EFHC2: variants seen among roughly 807,000 people sequenced by gnomAD.
EFHC2 encodes EF-hand domain containing 2, also known as EF-hand domain-containing family member C2.
In EFHC2, 18 loss-of-function variants were observed where a neutral mutation model predicts 52.7. The ratio of observed to expected loss-of-function variants is 0.34; its 90% CI spans 0.24 to 0.51. The LOEUF (loss-of-function observed/expected upper bound fraction) is 0.51. Ranked by LOEUF, EFHC2 falls within the 20% of genes least tolerant of loss-of-function variation. EFHC2 has a pLI of 0.97. For missense variants in EFHC2, 513 were observed against 562.5 expected (o/e 0.91, Z 0.89); for synonymous variants, 203 against 204.1 (o/e 0.99, Z 0.04).
intron 7 of EFHC2, among the ~76,000 whole-genome samples, chrX:44,244,647 G>C (rs1300605592): frequency 1.8e-5 from 2 of 111,660 alleles, no homozygotes; most frequent in African/African-American, 6.5e-5. Flanking sequence ...TATTACAAAG[G>C]AGTCTTAATG....
At chrX:44,296,493 A>G (rs1237859133) in intron 2 of EFHC2, among the ~76,000 whole-genome samples, 1 of 111,634 alleles carries the variant, frequency 9.0e-6, no homozygotes, top group African/African-American at 3.3e-5. Context: ...AGCCAAAAAA[A>G]GGGGGGAACA....
intron 11 of EFHC2, among the ~76,000 whole-genome samples, chrX:44,186,296 T>A (rs1265950375): frequency 1.8e-5 from 2 of 112,334 alleles, no homozygotes; most frequent in African/African-American, 3.2e-5. Flanking sequence ...CATGATTTGG[T>A]ACAATATGCA....
intron 3 of EFHC2, among the ~76,000 whole-genome samples, chrX:44,269,616 C>A: frequency 9.0e-6 from 1 of 111,199 alleles, no homozygotes; most frequent in Non-Finnish European, 1.9e-5. Context: ...TGCCATGTGA[C>A]ACGCCTGCTC....
At chrX:44,266,448 T>C (rs1348022023) in intron 3 of EFHC2, among the ~76,000 whole-genome samples, 1 of 110,395 alleles carries the variant, frequency 9.1e-6, no homozygotes, top group South Asian at 3.9e-4. Context: ...GCAATTCTCC[T>C]GTCTTAGCCT....
intron 1 of EFHC2, among the ~76,000 whole-genome samples, chrX:44,324,537 A>T (rs2038040657): frequency 9.0e-6 from 1 of 110,900 alleles, no homozygotes; most frequent in African/African-American, 3.3e-5. Flanking sequence ...GGCAGCAACC[A>T]CTGCAAACCC....
chrX:44,163,884 T>C, intron 14 of EFHC2, 38 bp downstream of exon 14: 1 of 903,730 alleles, frequency 1.1e-6, no homozygotes, highest in South Asian at 2.2e-5. Context: ...GCAAGGGAAG[T>C]AACCATAGAT....
At chrX:44,186,332 GT>G (rs2036874089) in intron 11 of EFHC2, among the ~76,000 whole-genome samples, 1 of 111,930 alleles carries the variant, frequency 8.9e-6, no homozygotes, top group Admixed American at 9.5e-5. Flanking sequence ...GCAACAGTGG[GT>G]TTTTTAGTTT....
At chrX:44,303,689 T>A (rs1357904824) in intron 2 of EFHC2, among the ~76,000 whole-genome samples, 1 of 110,746 alleles carries the variant, frequency 9.0e-6, no homozygotes, top group Non-Finnish European at 1.9e-5. Flanking sequence ...TTTTAAAAAT[T>A]TATTTTTATA....
chrX:44,189,802 C>T (rs907646794), intron 11 of EFHC2, among the ~76,000 whole-genome samples: 12 of 111,082 alleles, frequency 1.1e-4, no homozygotes, highest in African/African-American at 3.6e-4. Flanking sequence ...CCTTTTCTAC[C>T]GAGATGAAAA....
rs1453449399 is a variant in EFHC2 at position 44,252,289 on chromosome X, T to G, written c.607-1844A>C. On this transcript the variant is annotated intron_variant, in intron 4 of 14. Transcript: ENST00000420999. ...TTCATCTGATGTAACCAAATAGGAC[T>G]GTTATATAAGGAAGTGCACACTGAC... Among the ~76,000 whole-genome samples the G allele has an allele frequency of 2.7e-5, 3 of 111,796 alleles. No individual in the cohort carries two copies. The Admixed American group carries it at 2.9e-4, about 11-fold the overall frequency.
chrX:44,311,072 A>G (rs1032350020), intron 2 of EFHC2, among the ~76,000 whole-genome samples: 5 of 112,152 alleles, frequency 4.5e-5, no homozygotes, highest in Non-Finnish European at 7.5e-5. Context: ...CATGCAAAGT[A>G]AACATCCTAT....
chrX:44,296,164 G>C (rs1040085213), intron 2 of EFHC2, among the ~76,000 whole-genome samples: 22 of 111,252 alleles, frequency 2.0e-4, no homozygotes, highest in African/African-American at 7.2e-4. Flanking sequence ...GATGGAGGTG[G>C]AGAAAAGTGG....
At position 44,209,019 on chromosome X, in the gene EFHC2, C is replaced by CTG. The variant is rs753101565; in HGVS notation, c.1751+20628_1751+20629dup. Among the ~76,000 whole-genome samples the CTG allele has an allele frequency of 6.6e-3, 462 of 69,973 alleles. 14 individuals are homozygous for CTG. Among genetic ancestry groups the CTG allele is most frequent in the Middle Eastern group, 0.016 (2 of 125 alleles). 60.8% of individuals were successfully genotyped at this position (69,973 alleles called of 115,157 possible). ...GCATGATACTGGGTTGATTGGCAAT[C>CTG]TGTGTGTGTGTGTGTGTGTGTGTGT... On this transcript the variant is annotated intron_variant, in intron 11 of 14. Coordinates refer to ENST00000420999, the MANE Select transcript of EFHC2 (RefSeq NM_025184.4).
At chrX:44,281,325 T>C (rs1186114264) in intron 2 of EFHC2, among the ~76,000 whole-genome samples, 1 of 112,566 alleles carries the variant, frequency 8.9e-6, no homozygotes, top group Non-Finnish European at 1.9e-5. Context: ...ACTTTATACC[T>C]TAATATAATA....
intron 3 of EFHC2, among the ~76,000 whole-genome samples, chrX:44,262,773 A>G (rs1189276835): frequency 9.0e-6 from 1 of 110,999 alleles, no homozygotes; most frequent in African/African-American, 3.3e-5. Flanking sequence ...ATGACATAGT[A>G]AGGGCCAGGT....
chrX:44,293,337 G>A (rs2037806068), intron 2 of EFHC2, among the ~76,000 whole-genome samples: 1 of 111,097 alleles, frequency 9.0e-6, no homozygotes. Context: ...ATGATTTCTT[G>A]TTCTGTTATG....
intron 1 of EFHC2, among the ~76,000 whole-genome samples, chrX:44,319,782 G>C (rs1449172771): frequency 1.8e-5 from 2 of 111,853 alleles, no homozygotes; most frequent in African/African-American, 6.5e-5. Context: ...AATTCACAGA[G>C]AGATATTAAG....
intron 4 of EFHC2, among the ~76,000 whole-genome samples, chrX:44,258,044 T>C (rs145735680): frequency 0.096 from 10,720 of 111,564 alleles, 1,124 homozygotes; most frequent in African/African-American, 0.31. Context: ...AAAGGATTCC[T>C]TATTTAATAA....
Position 44,207,622 on chromosome X carries a change from G to A in EFHC2, c.1751+22027C>T, listed in dbSNP as rs185207915. ...AGAATTTATATTGAAGACCTCAAAA[G>A]CAAATGTAACAAAACCAAAAATTGA... On this transcript the variant is annotated intron_variant, in intron 11 of 14. Transcript: ENST00000420999. 9.8e-5 allele frequency among the ~76,000 whole-genome samples: 11 copies of A among 112,276 alleles called. No individual in the cohort carries two copies. In the East Asian group the frequency reaches 3.1e-3, roughly 31 times the overall value.
Sources: gnomAD v4.1 joint callset for allele counts (sites outside exome capture counted in the v4.1 genomes callset) on GRCh38, gnomAD v4.1.1 for gene constraint, MANE v1.5 for transcripts, NCBI Gene and HGNC (gene_info 2026-07-23, HGNC 2026-07-21) for gene names.